Variants in PCDHA5 observed in about 807,000 individuals in gnomAD.
PCDHA5 encodes the protein protocadherin alpha 5, also known as protocadherin alpha-5.
PCDHA5 carries 43 observed loss-of-function variants against 61.6 expected under a neutral mutation model. That is an observed-to-expected ratio of 0.70 (90% CI 0.55 to 0.90). The LOEUF is 0.90. Among genes scored for constraint, PCDHA5 ranks in the 40% least tolerant of loss-of-function variants. The pLI is 0.00. For synonymous variants in PCDHA5, 627 were observed against 543.9 expected (o/e 1.15, Z -2.13); for missense variants, 1,298 against 1,222.7 (o/e 1.06, Z -0.92).
intron 1 of PCDHA5, chr5:140,850,598 C>T (rs1358773904): frequency 1.9e-6 from 3 of 1,598,576 alleles, no homozygotes; most frequent in Middle Eastern, 1.7e-4. Context: ...TGTACCTGAT[C>T]ATCGCCATCT....
chr5:140,853,011 T>C, intron 1 of PCDHA5: 1 of 283,070 alleles, frequency 3.5e-6, no homozygotes, highest in African/African-American at 2.3e-5. Context: ...CCCGAGTAGC[T>C]GGGACTACAG....
At chr5:140,869,908 C>G in intron 1 of PCDHA5, 4 of 1,610,646 alleles carry the variant, frequency 2.5e-6, no homozygotes, top group Non-Finnish European at 3.4e-6. Flanking sequence ...CGCCACAGAC[C>G]GAGACGAAGG....
chr5:140,856,036 A>T (rs1554148102), intron 1 of PCDHA5: 1 of 1,567,408 alleles, frequency 6.4e-7, no homozygotes, highest in African/African-American at 1.4e-5. Context: ...TTGTAAAACA[A>T]GAGAAGGATA....
intron 1 of PCDHA5, among the ~76,000 whole-genome samples, chr5:140,962,590 C>T (rs2095694493): frequency 6.6e-6 from 1 of 152,144 alleles, no homozygotes; most frequent in African/African-American, 2.4e-5. Context: ...AAATATTTGA[C>T]TGATATATTT....
chr5:140,883,075 T>A (rs969917261), intron 1 of PCDHA5: 8 of 1,614,134 alleles, frequency 5.0e-6, no homozygotes, highest in Non-Finnish European at 6.8e-6. Flanking sequence ...CCACAGATCC[T>A]GATGATGGTA....
intron 1 of PCDHA5, chr5:140,829,383 G>A: frequency 3.7e-6 from 6 of 1,614,186 alleles, no homozygotes; most frequent in East Asian, 2.2e-5. Context: ...CGGGACGGGG[G>A]CTCGCCTTCG....
intron 1 of PCDHA5, among the ~76,000 whole-genome samples, chr5:140,873,370 T>A (rs2054256707): frequency 6.6e-6 from 1 of 152,166 alleles, no homozygotes; most frequent in Non-Finnish European, 1.5e-5. Flanking sequence ...TAACTGAAGA[T>A]CTTTTAAAGA....
chr5:140,857,677 T>C lies in PCDHA5; in HGVS notation c.2352+33550T>C, dbSNP rs377237803. 36 of 1,596,766 alleles carry C rather than the reference T, an allele frequency of 2.3e-5. 2 individuals carry two copies. In the African/African-American group the frequency reaches 4.6e-4, roughly 20 times the overall value. On this transcript the variant is annotated intron_variant, in intron 1 of 3. Transcript: ENST00000529859. ...GCGCGCGCGATGGGGGCGTGCCGCC[T>C]CTGGGCAGCAACTTGACGCTGCAGG...
intron 1 of PCDHA5, chr5:140,859,600 C>T (rs1562546033): frequency 6.1e-6 from 1 of 162,864 alleles, no homozygotes; most frequent in African/African-American, 2.4e-5. Context: ...TTAGCAATTA[C>T]TTTTTTCTTT....
intron 1 of PCDHA5, chr5:140,841,428 C>T (rs2150315251): frequency 3.7e-6 from 6 of 1,612,842 alleles, no homozygotes; most frequent in Admixed American, 1.7e-5. Context: ...TACTCCGTCC[C>T]CGAGGAGGCC....
At chr5:140,884,536 G>A in intron 1 of PCDHA5, 11 of 1,614,090 alleles carry the variant, frequency 6.8e-6, no homozygotes, top group African/African-American at 1.3e-5. Context: ...AGAGGCGGCC[G>A]AGGGTGTGCT....
chr5:140,822,808 A>C lies in PCDHA5; in HGVS notation c.1033A>C (p.Asn345His), dbSNP rs1554128906. The change falls in exon 1 of 4, where the codon AAT becomes CAT. Residue 345 changes from asparagine to histidine, a missense_variant. Transcript: ENST00000529859. The stretch of plus-strand genomic sequence containing the variant: ...AGTGAAACTCCTGGATGTGAATGAT[A>C]ATACCCCAGAGATGGCCATAACCAC... ...VVVKLLDVND[N>H]TPEMAITTLF... is the part of the protein sequence containing the mutation. The C allele has an allele frequency of 4.3e-6, 7 of 1,614,072 alleles. No homozygotes were observed. The African/African-American group carries it at 9.3e-5, about 22-fold the overall frequency.
In PCDHA5 at chr5:140,883,790, G is replaced by T. The variant is rs200436467; in HGVS notation, c.2352+59663G>T. ...GGGCGAGCGTGCGCTGTCGAGCTAC[G>T]TGTCGGTGCACGCGGAGAGCGGCAA... On this transcript the variant is annotated intron_variant, in intron 1 of 3. Coordinates refer to ENST00000529859, the MANE Select transcript of PCDHA5 (RefSeq NM_018908.3). The T allele has an allele frequency of 3.5e-5, 57 of 1,612,406 alleles. No homozygotes were observed. The highest frequency in any genetic ancestry group is 4.3e-5 in the Non-Finnish European group (51 of 1,179,760).
chr5:140,822,761 T>C lies in PCDHA5; in HGVS notation c.986T>C (p.Leu329Ser). ...GCCATGGATAAAAGTACATTCCCATTATCAGGACACTGTAAAGTAGTAGTG... is the reference window on the plus strand; with the variant it reads ...GCCATGGATAAAAGTACATTCCCATCATCAGGACACTGTAAAGTAGTAGTG... ...IDAMDKSTFP[L>S]SGHCKVVVKL... The change falls in exon 1 of 4, where the codon TTA becomes TCA. Residue 329 changes from leucine (L) to serine (S), a missense_variant. By Grantham distance (145) the Leu-to-Ser change is moderately radical (BLOSUM62 -2). Coordinates refer to ENST00000529859, the MANE Select transcript of PCDHA5 (RefSeq NM_018908.3). 6.2e-7 allele frequency: 1 copy of C among 1,613,988 alleles called. No individual in the cohort carries two copies. The highest frequency in any genetic ancestry group is 8.5e-7 in the Non-Finnish European group (1 of 1,179,846).
chr5:140,836,593 C>T, intron 1 of PCDHA5: 1 of 1,613,672 alleles, frequency 6.2e-7, no homozygotes, highest in Non-Finnish European at 8.5e-7. Context: ...TTGGTAAAGC[C>T]CACTCTGGTG....
intron 1 of PCDHA5, chr5:140,855,962 G>A (rs2043697360): frequency 3.6e-6 from 5 of 1,403,344 alleles, no homozygotes; most frequent in Non-Finnish European, 4.8e-6. Flanking sequence ...ATAAAAAATA[G>A]ATATAAGAAA....
At chr5:140,841,244 G>A in intron 1 of PCDHA5, 1 of 1,496,324 alleles carries the variant, frequency 6.7e-7, no homozygotes, top group South Asian at 1.4e-5. Context: ...CAGCGGAATT[G>A]GATTAAAAGA....
In PCDHA5 at chr5:140,985,961, A is replaced by G. The variant is rs529433053; in HGVS notation, c.2500+3398A>G. ...TCACTGTGTTAGCCAGGATGGTCTCAATCTCCTGACCTCGTGATCCGCCCA... is the reference window on the plus strand; with the variant it reads ...TCACTGTGTTAGCCAGGATGGTCTCGATCTCCTGACCTCGTGATCCGCCCA... On this transcript the variant is annotated intron_variant, in intron 3 of 3. Transcript: ENST00000529859. 9.3e-3 allele frequency among the ~76,000 whole-genome samples: 1,411 copies of G among 151,982 alleles called. 12 individuals carry two copies. Among genetic ancestry groups the G allele is most frequent in the Non-Finnish European group, 0.015 (1,024 of 67,944 alleles).
In PCDHA5 at chr5:141,003,093, C is replaced by T. The variant is rs80317990; in HGVS notation, c.2501-6534C>T. 2.0e-4 allele frequency among the ~76,000 whole-genome samples: 30 copies of T among 152,330 alleles called. No individual in the cohort carries two copies. The East Asian group carries it at 5.4e-3, about 27-fold the overall frequency. ...ATGAGGGTGAGTTTAACAGGCCTGG[C>T]ATTTGCTTCACAATCTTCTGGCCCT... On this transcript the variant is annotated intron_variant, in intron 3 of 3. Coordinates refer to ENST00000529859, the MANE Select transcript of PCDHA5 (RefSeq NM_018908.3).
Sources: gnomAD v4.1 joint callset for allele counts (sites outside exome capture counted in the v4.1 genomes callset) on GRCh38, gnomAD v4.1.1 for gene constraint, MANE v1.5 for transcripts, NCBI Gene and HGNC (gene_info 2026-07-23, HGNC 2026-07-21) for gene names.